Variants in CDH23 observed in about 807,000 individuals in gnomAD.
The protein encoded by CDH23 is cadherin-23.
CDH23 carries 189 observed loss-of-function variants against 317.1 expected under a neutral mutation model. The observed-to-expected ratio is 0.60, with a 90% CI of 0.53 to 0.67. The LOEUF (loss-of-function observed/expected upper bound fraction) is 0.67, where lower values mean the gene tolerates loss of function less well. Ranked by LOEUF, CDH23 falls within the 30% of genes least tolerant of loss-of-function variation. The pLI is 0.00. For missense variants in CDH23, 4,401 were observed against 4,592.4 expected (o/e 0.96, Z 1.20); for synonymous variants, 1,839 against 1,876.8 (o/e 0.98, Z 0.52).
In CDH23 at chr10:71,803,357, C is replaced by T. The variant is rs1384086625; in HGVS notation, c.7809C>T (p.Asp2603=). Residue 2603 remains aspartate (D), a synonymous_variant, in exon 55 of 70, where the codon GAC becomes GAT. Coordinates refer to ENST00000224721, the MANE Select transcript of CDH23 (RefSeq NM_022124.6). The part of the protein sequence containing the change: ...GTTMLLVEVI[D]VNDNRPVFVR... ...CCATGCTCCTGGTGGAGGTCATCGA[C>T]GTCAATGACAACCGCCCTGTCTTTG... 7 of 1,599,490 alleles carry T rather than the reference C, an allele frequency of 4.4e-6. No homozygotes were observed. The highest frequency in any genetic ancestry group is 1.6e-4 in the Middle Eastern group (1 of 6,068).
chr10:71,724,814 G>A (rs968787090), intron 29 of CDH23, among the ~76,000 whole-genome samples: 1 of 152,166 alleles, frequency 6.6e-6, no homozygotes, highest in Non-Finnish European at 1.5e-5. Context: ...CCCACTTCTC[G>A]AATCAGGGGT....
At chr10:71,769,711 G>T (rs1840644043) in intron 38 of CDH23, among the ~76,000 whole-genome samples, 1 of 152,194 alleles carries the variant, frequency 6.6e-6, no homozygotes, top group African/African-American at 2.4e-5. Context: ...TTTGACCCCA[G>T]GTCCCCATGG....
chr10:71,742,913 T>G (rs1839775663), intron 38 of CDH23, among the ~76,000 whole-genome samples: 1 of 152,212 alleles, frequency 6.6e-6, no homozygotes, highest in South Asian at 2.1e-4. Context: ...TGCATTTGTA[T>G]GTGGGCAGCT....
intron 69 of CDH23, 36 bp downstream of exon 69, chr10:71,813,384 C>G: frequency 6.7e-7 from 1 of 1,496,026 alleles, no homozygotes; most frequent in Non-Finnish European, 9.1e-7. Flanking sequence ...GTGTGCTGTG[C>G]CCCAGCCTGG....
At chr10:71,501,790 G>C (rs1403587044) in intron 3 of CDH23, among the ~76,000 whole-genome samples, 1 of 152,226 alleles carries the variant, frequency 6.6e-6, no homozygotes, top group Non-Finnish European at 1.5e-5. Flanking sequence ...ATCCCAGGGA[G>C]AGTGGGAGGG....
At chr10:71,649,640 G>A (rs1863069597) in intron 14 of CDH23, among the ~76,000 whole-genome samples, 1 of 152,170 alleles carries the variant, frequency 6.6e-6, no homozygotes, top group African/African-American at 2.4e-5. Context: ...AAAGAGTGGG[G>A]ACACCCTCAT....
At chr10:71,606,788 T>G (rs1197543786) in intron 9 of CDH23, among the ~76,000 whole-genome samples, 1 of 150,716 alleles carries the variant, frequency 6.6e-6, no homozygotes, top group African/African-American at 2.4e-5. Context: ...ATCTGAGGAG[T>G]GACATTTGAA....
chr10:71,423,972 A>T (rs1249780451), intron 1 of CDH23, among the ~76,000 whole-genome samples: 1 of 152,208 alleles, frequency 6.6e-6, no homozygotes, highest in East Asian at 1.9e-4. Flanking sequence ...CATACAACGG[A>T]GCATGGTTGT....
At chr10:71,527,652 A>G (rs960472563) in intron 6 of CDH23, among the ~76,000 whole-genome samples, 2 of 152,186 alleles carry the variant, frequency 1.3e-5, no homozygotes, top group African/African-American at 4.8e-5. Flanking sequence ...TCTTGAATAT[A>G]GCAGAGAAGC....
At chr10:71,623,218 A>T (rs1861551950) in intron 11 of CDH23, among the ~76,000 whole-genome samples, 1 of 152,238 alleles carries the variant, frequency 6.6e-6, no homozygotes, top group African/African-American at 2.4e-5. Context: ...GTGGTCCCAG[A>T]AAGCCTTCAG....
At chr10:71,513,937 G>T (rs1177551929) in intron 6 of CDH23, among the ~76,000 whole-genome samples, 1 of 152,046 alleles carries the variant, frequency 6.6e-6, no homozygotes, top group African/African-American at 2.4e-5. Context: ...CCCTAATAAT[G>T]ATGGAGTCTG....
chr10:71,444,767 C>T (rs1036391366), intron 2 of CDH23, among the ~76,000 whole-genome samples: 1 of 152,204 alleles, frequency 6.6e-6, no homozygotes, highest in Admixed American at 6.5e-5. Flanking sequence ...GAGCCTGGCA[C>T]ATGCTCTGAG....
At chr10:71,702,329 T>A in intron 23 of CDH23, 118 bp downstream of exon 23, 1 of 1,213,896 alleles carries the variant, frequency 8.2e-7, no homozygotes, top group Non-Finnish European at 1.2e-6. Context: ...TCACCAAGAG[T>A]AGAGTAATAC....
At position 71,805,938 on chromosome 10, in the gene CDH23, A is replaced by G. The variant is rs1841701549; in HGVS notation, c.8005A>G (p.Ile2669Val). 2 of 1,613,216 alleles carry G rather than the reference A, an allele frequency of 1.2e-6. No individual in the cohort carries two copies. The highest frequency in any genetic ancestry group is 2.2e-5 in the East Asian group (1 of 44,862). The part of the protein sequence containing the change: ...RDWEFFIIDP[I>V]SGLIQTAQRL... ...CTGGGAGTTCTTCATCATCGACCCAATCAGCGGCCTCATCCAGACTGCTCA... is the reference window on the plus strand; with the variant it reads ...CTGGGAGTTCTTCATCATCGACCCAGTCAGCGGCCTCATCCAGACTGCTCA... The change falls in exon 56 of 70, where the codon ATC becomes GTC. Residue 2669 changes from isoleucine to valine, a missense_variant. This residue lies in a region of CDH23 where 1,144 missense variants were observed against 1,138.2 expected (regional missense o/e 1.01). Transcript: ENST00000224721.
At chr10:71,753,953 C>A in intron 38 of CDH23, 1 of 446,158 alleles carries the variant, frequency 2.2e-6, no homozygotes, top group Non-Finnish European at 4.5e-6. Context: ...GGTTGTTGGT[C>A]CCATTTTAGA....
chr10:71,652,715 A>G (rs1307885822), intron 14 of CDH23, among the ~76,000 whole-genome samples: 2 of 152,204 alleles, frequency 1.3e-5, no homozygotes, highest in East Asian at 3.9e-4. Context: ...CACGCTGGAA[A>G]TGTCAGCAAG....
rs762396186 is a variant in CDH23, at chr10:71,812,022, G to C, written c.9380+7G>C. On this transcript the variant is annotated splice_region_variant and intron_variant, in intron 66 of 69. Transcript: ENST00000224721. ...ACAAGTACTCCTTTGATGGGTGAGT[G>C]GGGTACTGGCCCTGCCCGGTCCCCT... 6.2e-7 allele frequency: 1 copy of C among 1,613,972 alleles called. No individual in the cohort carries two copies. The highest frequency in any genetic ancestry group is 8.5e-7 in the Non-Finnish European group (1 of 1,179,870).
chr10:71,707,606 C>A, intron 26 of CDH23: 1 of 877,366 alleles, frequency 1.1e-6, no homozygotes, highest in Non-Finnish European at 1.4e-6. Flanking sequence ...TTAGTGATGT[C>A]TGCCACAGTG....
At chr10:71,659,219 G>A (rs1003293224) in intron 14 of CDH23, among the ~76,000 whole-genome samples, 3 of 152,172 alleles carry the variant, frequency 2.0e-5, no homozygotes, top group African/African-American at 4.8e-5. Flanking sequence ...AGTGGCCAGC[G>A]CCAGAATGAG....
Sources: allele counts gnomAD v4.1 joint callset (sites outside exome capture counted in the v4.1 genomes callset), GRCh38; gene constraint gnomAD v4.1.1; regional missense constraint gnomAD v4.1.1; transcripts MANE v1.5; gene names NCBI Gene and HGNC (gene_info 2026-07-23, HGNC 2026-07-21).